GALNT14: variants seen among roughly 807,000 people sequenced by gnomAD.
The protein encoded by GALNT14 is polypeptide N-acetylgalactosaminyltransferase 14.
GALNT14 carries 60 observed loss-of-function variants against 77.5 expected under a neutral mutation model. That is an observed-to-expected ratio of 0.77 (90% CI 0.63 to 0.96). GALNT14 has a LOEUF of 0.96. GALNT14 is among the 40% of genes least tolerant of loss of function. The pLI is 0.00. For missense variants in GALNT14, 710 were observed against 731.0 expected (o/e 0.97, Z 0.33); for synonymous variants, 280 against 281.7 (o/e 0.99, Z 0.06).
At chr2:30,950,623 T>C (rs559577892) in intron 6 of GALNT14, among the ~76,000 whole-genome samples, 2 of 152,276 alleles carry the variant, frequency 1.3e-5, no homozygotes, top group East Asian at 3.9e-4. Flanking sequence ...GTCAGAGTCT[T>C]AGCAAAAACC....
intron 3 of GALNT14, among the ~76,000 whole-genome samples, chr2:30,965,468 G>A (rs1293361184): frequency 6.6e-6 from 1 of 151,948 alleles, no homozygotes; most frequent in African/African-American, 2.4e-5. Flanking sequence ...CATGGGGGAA[G>A]GGGGGTGAAA....
At chr2:31,080,818 G>A (rs7573132) in intron 1 of GALNT14, among the ~76,000 whole-genome samples, 75 of 152,294 alleles carry the variant, frequency 4.9e-4, no homozygotes, top group African/African-American at 1.7e-3. Context: ...ATGCACTTAC[G>A]TTCTAGATCC....
chr2:31,120,522 T>TTGTAAACAA (rs1678354328), intron 1 of GALNT14, among the ~76,000 whole-genome samples: 1 of 152,194 alleles, frequency 6.6e-6, no homozygotes, highest in South Asian at 2.1e-4. Context: ...TTTTTCAACG[T>TTGTAAACAA]ATATATCTTG....
intron 1 of GALNT14, among the ~76,000 whole-genome samples, chr2:31,025,261 T>C (rs1671966509): frequency 6.6e-6 from 1 of 152,168 alleles, no homozygotes. Context: ...AGGAAGTTGA[T>C]AGGCCTCGAT....
chr2:30,958,352 G>T, intron 4 of GALNT14, 45 bp downstream of exon 4: 1 of 1,534,780 alleles, frequency 6.5e-7, no homozygotes, highest in Non-Finnish European at 9.0e-7. Flanking sequence ...GAGTGGCTGG[G>T]AACAGACATT....
intron 4 of GALNT14, 43 bp downstream of exon 4, chr2:30,958,354 A>G (rs1667487555): frequency 5.2e-6 from 8 of 1,549,342 alleles, no homozygotes; most frequent in Non-Finnish European, 5.3e-6. Context: ...GTGGCTGGGA[A>G]CAGACATTCG....
the GALNT14 span, among the ~76,000 whole-genome samples, chr2:30,890,446 C>T: frequency 6.6e-6 from 1 of 152,106 alleles, no homozygotes; most frequent in African/African-American, 2.4e-5. Flanking sequence ...TCATGTCTCC[C>T]TTGTAGGGTT....
intron 10 of GALNT14, 35 bp downstream of exon 10, chr2:30,932,033 T>G: frequency 6.8e-7 from 1 of 1,465,206 alleles, no homozygotes; most frequent in Non-Finnish European, 9.1e-7. Context: ...CTGCCTGTGC[T>G]GCTGCCCACC....
chr2:31,138,137 C>A lies in GALNT14; in HGVS notation c.-51G>T, dbSNP rs114270862. 3.1e-6 allele frequency: 5 copies of A among 1,612,320 alleles called. No homozygotes were observed. In the South Asian group the frequency reaches 4.4e-5, roughly 14 times the overall value. Reference sequence around the variant, plus strand: ...CGGCGCTACGTCCCGGGGGCACCCCCCGGCGGTCAGGGTTGGCGGGGCAGG... The same window carrying A: ...CGGCGCTACGTCCCGGGGGCACCCCACGGCGGTCAGGGTTGGCGGGGCAGG... On this transcript the variant is annotated 5_prime_UTR_variant, in exon 1 of 15. Coordinates refer to ENST00000349752, the MANE Select transcript of GALNT14 (RefSeq NM_024572.4).
chr2:30,912,174 A>G, intron 14 of GALNT14, 49 bp downstream of exon 14: 2 of 1,606,184 alleles, frequency 1.2e-6, no homozygotes, highest in Non-Finnish European at 1.7e-6. Flanking sequence ...CTCAACAGGC[A>G]GTCACATTAC....
chr2:30,920,771 C>T (rs1303044286), intron 13 of GALNT14, among the ~76,000 whole-genome samples: 1 of 152,128 alleles, frequency 6.6e-6, no homozygotes, highest in Non-Finnish European at 1.5e-5. Flanking sequence ...GTATCCAAGT[C>T]GTGCCGTAGG....
chr2:30,968,360 T>A (rs776531726), intron 2 of GALNT14, among the ~76,000 whole-genome samples: 7 of 152,196 alleles, frequency 4.6e-5, no homozygotes, highest in African/African-American at 9.6e-5. Context: ...AGCCCCTCCC[T>A]CACTGAAGCA....
intron 1 of GALNT14, among the ~76,000 whole-genome samples, chr2:31,103,395 G>A (rs532219101): frequency 1.3e-5 from 2 of 152,002 alleles, no homozygotes; most frequent in Admixed American, 1.3e-4. Context: ...AGGCATGATT[G>A]GGGTGGAGAG....
intron 1 of GALNT14, among the ~76,000 whole-genome samples, chr2:31,122,084 G>A (rs1417605150): frequency 6.6e-6 from 1 of 152,232 alleles, no homozygotes; most frequent in Non-Finnish European, 1.5e-5. Flanking sequence ...AGCTTGGAAG[G>A]AGAATGGGAT....
chr2:30,996,496 G>C (rs988646140), intron 1 of GALNT14, among the ~76,000 whole-genome samples: 2 of 152,238 alleles, frequency 1.3e-5, no homozygotes, highest in Non-Finnish European at 2.9e-5. Context: ...GGCAGGTGGA[G>C]GGGCAGGCAC....
chr2:30,903,551 C>A, the GALNT14 span, among the ~76,000 whole-genome samples: 2 of 152,196 alleles, frequency 1.3e-5, no homozygotes, highest in African/African-American at 4.8e-5. Flanking sequence ...AGCCTCTGGC[C>A]AACAGCCTGC....
intron 9 of GALNT14, among the ~76,000 whole-genome samples, chr2:30,933,330 C>T (rs1297693704): frequency 2.0e-5 from 3 of 152,144 alleles, no homozygotes; most frequent in Admixed American, 6.5e-5. Context: ...CTTCTGAAGT[C>T]GAGCCCAAGC....
downstream of GALNT14, among the ~76,000 whole-genome samples, chr2:30,910,112 A>G (rs1194799182): frequency 6.6e-6 from 1 of 151,040 alleles, no homozygotes; most frequent in African/African-American, 2.4e-5. Flanking sequence ...CTAATGCTAG[A>G]TGACGAGTTA....
At chr2:31,099,643 A>G (rs1293917745) in intron 1 of GALNT14, among the ~76,000 whole-genome samples, 2 of 152,092 alleles carry the variant, frequency 1.3e-5, no homozygotes, top group South Asian at 4.1e-4. Flanking sequence ...CCAGTGGAAC[A>G]TATTTAATCT....
Sources: gnomAD v4.1 joint callset for allele counts (sites outside exome capture counted in the v4.1 genomes callset) on GRCh38, gnomAD v4.1.1 for gene constraint, MANE v1.5 for transcripts, NCBI Gene and HGNC (gene_info 2026-07-23, HGNC 2026-07-21) for gene names.